The following CAMTA1 variants were observed in gnomAD, a reference collection of about 807,000 sequenced individuals.
The protein encoded by CAMTA1 is calmodulin-binding transcription activator 1.
Under a neutral mutation model 170.9 loss-of-function variants are expected in CAMTA1, and 27 were observed. The observed-to-expected ratio is 0.16, with a 90% CI of 0.12 to 0.22. The LOEUF is 0.22. CAMTA1 is among the 10% of genes least tolerant of loss of function. CAMTA1 has a pLI of 1.00. For synonymous variants in CAMTA1, 833 were observed against 891.5 expected, an observed-to-expected ratio of 0.93 and a Z score of 1.17; for missense variants, 1,619 against 2,217.2, an observed-to-expected ratio of 0.73 and a Z score of 5.42.
intron 3 of CAMTA1, among the ~76,000 whole-genome samples, chr1:6,904,781 C>T (rs933075983): frequency 8.3e-6 from 1 of 121,124 alleles, no homozygotes; most frequent in African/African-American, 3.2e-5. Flanking sequence ...TTGGCAGAGA[C>T]GAGGTCTTGC....
chr1:7,426,256 G>C lies in CAMTA1; in HGVS notation c.439-41574G>C, dbSNP rs2091870874. Among the ~76,000 whole-genome samples, 1 of 151,654 alleles carries C rather than the reference G, an allele frequency of 6.6e-6. No homozygotes were observed. Among genetic ancestry groups the C allele is most frequent in the Non-Finnish European group, 1.5e-5 (1 of 68,028 alleles). On this transcript the variant is annotated intron_variant, in intron 5 of 22. Coordinates refer to ENST00000303635, the MANE Select transcript of CAMTA1 (RefSeq NM_015215.4). The surrounding 1 kb of genome is among the most constrained non-coding windows in gnomAD (Gnocchi z 4.8). ...GCCCAGGGCCAGAGAGAGCTGCACG[G>C]TCCGAAGCTCAGAGCATCCTCACTA...
At position 6,858,991 on chromosome 1, in the gene CAMTA1, G is replaced by A. The variant is rs1342700043; in HGVS notation, c.234+33781G>A. 1.3e-5 allele frequency among the ~76,000 whole-genome samples: 2 copies of A among 152,094 alleles called. 1 individual carries two copies. The highest frequency in any genetic ancestry group is 3.8e-4 in the East Asian group (2 of 5,204). ...CCATAGATTGCTGTCCCCTCCCATA[G>A]AAATTATCTTATTATATTTTATTAC... On this transcript the variant is annotated intron_variant, in intron 3 of 22. Transcript: ENST00000303635.
intron 5 of CAMTA1, among the ~76,000 whole-genome samples, chr1:7,451,535 T>C (rs1384369202): frequency 6.6e-6 from 1 of 152,210 alleles, no homozygotes; most frequent in Non-Finnish European, 1.5e-5. Context: ...CTTAGCCCCC[T>C]GAGCTTTACC....
intron 6 of CAMTA1, among the ~76,000 whole-genome samples, chr1:7,615,375 G>A (rs1471118690): frequency 6.6e-6 from 1 of 152,218 alleles, no homozygotes; most frequent in African/African-American, 2.4e-5. Flanking sequence ...TATATATATG[G>A]CATAGTGACA....
intron 5 of CAMTA1, among the ~76,000 whole-genome samples, chr1:7,254,879 GA>G (rs1667129124): frequency 6.6e-6 from 1 of 152,182 alleles, no homozygotes; most frequent in South Asian, 2.1e-4. Context: ...AATCAAGTTT[GA>G]AAAACAGCAA....
At chr1:6,849,789 C>A (rs1311617645) in intron 3 of CAMTA1, among the ~76,000 whole-genome samples, 1 of 151,852 alleles carries the variant, frequency 6.6e-6, no homozygotes, top group Non-Finnish European at 1.5e-5. Flanking sequence ...AATCCCAGCA[C>A]TTTGGGAGGC....
In CAMTA1 at chr1:7,065,388, G is replaced by A. The variant is rs949137546; in HGVS notation, c.235-25916G>A. On this transcript the variant is annotated intron_variant, in intron 3 of 22. Coordinates refer to ENST00000303635, the MANE Select transcript of CAMTA1 (RefSeq NM_015215.4). The surrounding 1 kb of genome is among the most constrained non-coding windows in gnomAD (Gnocchi z 5.2). ...TTTGGTGACCTAGAGGTTCAGAGTG[G>A]CCAGCGGGAAGTTTTGTAGTGAATA... Among the ~76,000 whole-genome samples the A allele has an allele frequency of 3.3e-5, 5 of 152,176 alleles. No homozygotes were observed. The highest frequency in any genetic ancestry group is 7.3e-5 in the Non-Finnish European group (5 of 68,038).
chr1:6,871,776 C>A, intron 3 of CAMTA1: 1 of 1,534,688 alleles, frequency 6.5e-7, no homozygotes, highest in Non-Finnish European at 8.7e-7. Context: ...TGCAGCCGTC[C>A]TTTTGGATTT....
intron 6 of CAMTA1, among the ~76,000 whole-genome samples, chr1:7,614,214 A>G (rs1463414565): frequency 6.6e-6 from 1 of 152,058 alleles, no homozygotes; most frequent in East Asian, 1.9e-4. Context: ...TTTGGCTGCA[A>G]TGGATGAGTT....
chr1:7,084,269 C>T (rs1297120763), intron 3 of CAMTA1, among the ~76,000 whole-genome samples: 1 of 152,104 alleles, frequency 6.6e-6, no homozygotes, highest in Non-Finnish European at 1.5e-5. Flanking sequence ...GACATTGAGC[C>T]TGTATCTTGA....
intron 3 of CAMTA1, among the ~76,000 whole-genome samples, chr1:6,913,167 G>T (rs559878604): frequency 1.1e-4 from 17 of 152,354 alleles, no homozygotes; most frequent in African/African-American, 3.8e-4. Flanking sequence ...GGAGGAAGGG[G>T]TCGTATTTTA....
intron 4 of CAMTA1, among the ~76,000 whole-genome samples, chr1:7,191,022 T>A (rs567203018): frequency 2.8e-4 from 43 of 152,358 alleles, no homozygotes; most frequent in African/African-American, 1.0e-3. Flanking sequence ...CTGATTTATT[T>A]ATTTTTTTAC....
At chr1:7,576,253 A>G (rs1199303055) in intron 6 of CAMTA1, among the ~76,000 whole-genome samples, 1 of 152,054 alleles carries the variant, frequency 6.6e-6, no homozygotes, top group Non-Finnish European at 1.5e-5. Flanking sequence ...CAGGTGATCC[A>G]TCCGCCTCGG....
chr1:7,492,520 C>T lies in CAMTA1; in HGVS notation c.510+24619C>T, dbSNP rs2093720233. Among the ~76,000 whole-genome samples the T allele has an allele frequency of 3.3e-5, 5 of 152,268 alleles. No individual in the cohort carries two copies. The South Asian group carries it at 1.0e-3, about 32-fold the overall frequency. ...GGCCATGAAAGAGAGAGAGCTCATC[C>T]GCTCCTGCATAGCACTGTGAGGGCT... On this transcript the variant is annotated intron_variant, in intron 6 of 22. Transcript: ENST00000303635.
At position 7,033,450 on chromosome 1, in the gene CAMTA1, T is replaced by C. The variant is rs114617757; in HGVS notation, c.235-57854T>C. On this transcript the variant is annotated intron_variant, in intron 3 of 22. Coordinates refer to ENST00000303635, the MANE Select transcript of CAMTA1 (RefSeq NM_015215.4). Reference sequence around the variant, plus strand: ...TTTTATCAGTGTATAATTTCTGGTTTGGTTGTGATTGATTTTTCTTCTTAT... The same window carrying C: ...TTTTATCAGTGTATAATTTCTGGTTCGGTTGTGATTGATTTTTCTTCTTAT... 7.7e-4 allele frequency among the ~76,000 whole-genome samples: 118 copies of C among 152,266 alleles called. 1 individual carries two copies. Among genetic ancestry groups the C allele is most frequent in the African/African-American group, 2.8e-3 (118 of 41,578 alleles).
chr1:6,871,010 A>G (rs532930064), intron 3 of CAMTA1, among the ~76,000 whole-genome samples: 1 of 152,354 alleles, frequency 6.6e-6, no homozygotes, highest in South Asian at 2.1e-4. Flanking sequence ...ACAAAACCAT[A>G]GGTCTATCCT....
intron 6 of CAMTA1, among the ~76,000 whole-genome samples, chr1:7,499,312 G>GTC (rs200579961): frequency 0.063 from 8,431 of 134,194 alleles, 934 homozygotes; most frequent in East Asian, 0.29. Flanking sequence ...GTATATGAGT[G>GTC]TGTGTGCATG....
rs150579547 is a variant in CAMTA1 at position 6,951,534 on chromosome 1, GA to G, written c.234+126326del. On this transcript the variant is annotated intron_variant, in intron 3 of 22. Transcript: ENST00000303635. ...CTCCTCCATAAAATGAGGGTTATAA[GA>G]AGCGTCTTTATCCCCCAGGACTATT... is the stretch of plus-strand genomic sequence containing the variant. Among the ~76,000 whole-genome samples, 16 of 152,314 alleles carry G rather than the reference GA, an allele frequency of 1.1e-4. No individual in the cohort carries two copies. The East Asian group carries it at 3.1e-3, about 29-fold the overall frequency.
chr1:7,769,259 G>A lies in CAMTA1; in HGVS notation c.*2768G>A, dbSNP rs961380963. 2.6e-5 allele frequency: 4 copies of A among 152,722 alleles called. No individual in the cohort carries two copies. Among genetic ancestry groups the A allele is most frequent in the East Asian group, 1.9e-4 (1 of 5,336 alleles). The allele number at this position is 152,722 out of a possible 1,614,324, so 9.5% of individuals were successfully genotyped here. A position where few individuals can be genotyped will look rare whatever the true frequency, so the allele number is the denominator to read the frequency against. ...TTCGAATATAAGATGATAGGTAAGC[G>A]CAGCTTTCTTGGATAATCTGAATTC... On this transcript the variant is annotated 3_prime_UTR_variant, in exon 23 of 23. Coordinates refer to ENST00000303635, the MANE Select transcript of CAMTA1 (RefSeq NM_015215.4).
Sources: gnomAD v4.1 joint callset for allele counts (sites outside exome capture counted in the v4.1 genomes callset) on GRCh38, gnomAD v4.1.1 for gene constraint, Gnocchi (gnomAD v3.1) non-coding constraint, MANE v1.5 for transcripts, NCBI Gene and HGNC (gene_info 2026-07-23, HGNC 2026-07-21) for gene names.